CELF4: variants seen among roughly 807,000 people sequenced by gnomAD.
CELF4 encodes CUG-BP- and ETR-3-like factor 4.
CELF4 carries 18 observed loss-of-function variants against 59.9 expected under a neutral mutation model. That is an observed-to-expected ratio of 0.30 (90% CI 0.21 to 0.45). CELF4 has a LOEUF of 0.45. Among genes scored for constraint, CELF4 ranks in the 20% least tolerant of loss-of-function variants. The probability of loss-of-function intolerance (pLI) is 1.00; values close to 1 mark genes in which losing one functional copy is unlikely to be tolerated. For missense variants in CELF4, 456 were observed against 689.0 expected (o/e 0.66, Z 3.79); for synonymous variants, 261 against 267.1 (o/e 0.98, Z 0.22).
Position 37,409,122 on chromosome 18 carries a change from C to G in CELF4, c.369+76403G>C, listed in dbSNP as rs1192355038. On this transcript the variant is annotated intron_variant, in intron 2 of 12. Coordinates refer to ENST00000420428, the MANE Select transcript of CELF4 (RefSeq NM_020180.4). Reference sequence around the variant, plus strand: ...CGGAAGAAACCCTGAGCCTGACCTACATACTCATGTGCTGGGAAATGTGGC... The same window carrying G: ...CGGAAGAAACCCTGAGCCTGACCTAGATACTCATGTGCTGGGAAATGTGGC... 2.6e-5 allele frequency among the ~76,000 whole-genome samples: 4 copies of G among 152,232 alleles called. No homozygotes were observed. In the East Asian group the frequency reaches 7.7e-4, roughly 29 times the overall value.
intron 2 of CELF4, among the ~76,000 whole-genome samples, chr18:37,352,955 C>T (rs948585199): frequency 5.3e-5 from 8 of 152,078 alleles, no homozygotes; most frequent in South Asian, 2.1e-4. Flanking sequence ...GGCGCGGTAG[C>T]TCACGCCTGT....
intron 2 of CELF4, among the ~76,000 whole-genome samples, chr18:37,379,551 T>C (rs1178091522): frequency 7.2e-6 from 1 of 138,682 alleles, no homozygotes; most frequent in African/African-American, 2.7e-5. Flanking sequence ...CCTTTGCTCC[T>C]GTATATGCCA....
intron 7 of CELF4, among the ~76,000 whole-genome samples, chr18:37,271,625 A>G (rs1421633839): frequency 6.6e-6 from 1 of 152,160 alleles, no homozygotes; most frequent in African/African-American, 2.4e-5. Context: ...TTACTTGGTC[A>G]TTGGGGGGCT....
chr18:37,340,441 G>C (rs543100893), intron 2 of CELF4, among the ~76,000 whole-genome samples: 3 of 152,226 alleles, frequency 2.0e-5, no homozygotes, highest in Non-Finnish European at 4.4e-5. Flanking sequence ...TCCAAGGGGA[G>C]CCTGTAGGTT....
At chr18:37,375,128 C>CT (rs2098952094) in intron 2 of CELF4, among the ~76,000 whole-genome samples, 1 of 152,122 alleles carries the variant, frequency 6.6e-6, no homozygotes, top group Admixed American at 6.5e-5. Flanking sequence ...GGGGTGGGGG[C>CT]ATGAGAGCCC....
At chr18:37,557,954 G>A (rs1603644165) in intron 1 of CELF4, among the ~76,000 whole-genome samples, 1 of 151,650 alleles carries the variant, frequency 6.6e-6, no homozygotes. Flanking sequence ...AAGTAGAAGG[G>A]GAGAAACCCT....
At chr18:37,386,159 C>T (rs961845138) in intron 2 of CELF4, among the ~76,000 whole-genome samples, 3 of 152,242 alleles carry the variant, frequency 2.0e-5, no homozygotes, top group Admixed American at 1.3e-4. Context: ...ATTCCAGGCA[C>T]ATACCCCGCT....
intron 2 of CELF4, among the ~76,000 whole-genome samples, chr18:37,432,697 C>T (rs980218865): frequency 2.0e-5 from 3 of 152,204 alleles, no homozygotes; most frequent in Admixed American, 2.0e-4. Context: ...AAGCTGCTTC[C>T]TGTTTCAGGG....
At chr18:37,366,540 C>T (rs530784060) in intron 2 of CELF4, among the ~76,000 whole-genome samples, 4 of 152,290 alleles carry the variant, frequency 2.6e-5, no homozygotes, top group South Asian at 4.1e-4. Context: ...CCCCACACTC[C>T]GGTTTGGGGC....
intron 2 of CELF4, among the ~76,000 whole-genome samples, chr18:37,435,282 A>G (rs1213089630): frequency 6.6e-6 from 1 of 152,178 alleles, no homozygotes; most frequent in East Asian, 1.9e-4. Context: ...CAGGAGGCCC[A>G]GGGCTTGTTT....
At chr18:37,472,439 T>C (rs780644594) in intron 2 of CELF4, among the ~76,000 whole-genome samples, 18 of 152,234 alleles carry the variant, frequency 1.2e-4, no homozygotes, top group Non-Finnish European at 2.4e-4. Flanking sequence ...GGTAGGAAGA[T>C]TCACTCCTTT....
chr18:37,477,986 G>A (rs1171425004), intron 2 of CELF4, among the ~76,000 whole-genome samples: 3 of 152,154 alleles, frequency 2.0e-5, no homozygotes, highest in African/African-American at 7.2e-5. Flanking sequence ...CCCCAGCCCT[G>A]GGGAGCAGGC....
At chr18:37,396,021 G>A (rs1054598830) in intron 2 of CELF4, among the ~76,000 whole-genome samples, 11 of 152,142 alleles carry the variant, frequency 7.2e-5, no homozygotes, top group African/African-American at 2.7e-4. Flanking sequence ...GGTCTTCATA[G>A]GTCCCCCCTT....
At chr18:37,299,590 C>T (rs569065442) in intron 3 of CELF4, among the ~76,000 whole-genome samples, 3 of 152,326 alleles carry the variant, frequency 2.0e-5, no homozygotes, top group East Asian at 3.9e-4. Flanking sequence ...ACTGCGGGCT[C>T]GGCTGTCTCC....
At chr18:37,362,668 G>A (rs1005456133) in intron 2 of CELF4, among the ~76,000 whole-genome samples, 2 of 44,516 alleles carry the variant, frequency 4.5e-5, no homozygotes, top group Non-Finnish European at 8.5e-5. Context: ...TGGGGCACCC[G>A]CTGGCTGCCC....
At chr18:37,390,983 C>A (rs1425878413) in intron 2 of CELF4, among the ~76,000 whole-genome samples, 1 of 152,166 alleles carries the variant, frequency 6.6e-6, no homozygotes, top group Non-Finnish European at 1.5e-5. Flanking sequence ...TCCCTCCTGT[C>A]CCCGTCCTTG....
chr18:37,458,807 G>A (rs1331805618), intron 2 of CELF4, among the ~76,000 whole-genome samples: 1 of 152,202 alleles, frequency 6.6e-6, no homozygotes, highest in African/African-American at 2.4e-5. Flanking sequence ...GCTCATTAAG[G>A]TTTGCAGAAC....
At chr18:37,359,945 G>T (rs2098675258) in intron 2 of CELF4, among the ~76,000 whole-genome samples, 1 of 151,854 alleles carries the variant, frequency 6.6e-6, no homozygotes, top group South Asian at 2.1e-4. Context: ...CACTTCCCCA[G>T]TTCAAGCAAT....
rs983169881 is a variant in CELF4, at chr18:37,253,746, G to A, written c.*44+21C>T. 7 of 1,533,220 alleles carry A rather than the reference G, an allele frequency of 4.6e-6. No individual in the cohort carries two copies. The African/African-American group carries it at 9.9e-5, about 22-fold the overall frequency. The allele number at this position is 1,533,220 out of a possible 1,614,324, so 95.0% of individuals were successfully genotyped here. A position where few individuals can be genotyped will look rare whatever the true frequency, so the allele number is the denominator to read the frequency against. Reference sequence around the variant, plus strand: ...GTTCCCTCCCAACCCCCGTCCCCGCGCCCCGGCCGCCCCCGGTTACCTGTG... The same window carrying A: ...GTTCCCTCCCAACCCCCGTCCCCGCACCCCGGCCGCCCCCGGTTACCTGTG... On this transcript the variant is annotated intron_variant, in intron 12 of 12. Coordinates refer to ENST00000420428, the MANE Select transcript of CELF4 (RefSeq NM_020180.4). This position sits in a 1 kb window ranked among gnomAD's most constrained non-coding sequence, Gnocchi z 4.5.
Sources: gnomAD v4.1 joint callset for allele counts (sites outside exome capture counted in the v4.1 genomes callset) on GRCh38, gnomAD v4.1.1 for gene constraint, Gnocchi (gnomAD v3.1) non-coding constraint, MANE v1.5 for transcripts, NCBI Gene and HGNC (gene_info 2026-07-23, HGNC 2026-07-21) for gene names.